Variants in NLGN1 observed in about 807,000 individuals in gnomAD.
NLGN1 encodes the protein neuroligin 1.
Under a neutral mutation model 65.5 loss-of-function variants are expected in NLGN1, and 12 were observed. The ratio of observed to expected loss-of-function variants is 0.18; its 90% CI spans 0.12 to 0.30. The LOEUF is 0.30. Among genes scored for constraint, NLGN1 ranks in the 10% least tolerant of loss-of-function variants. The pLI is 1.00. For missense variants in NLGN1, 750 were observed against 1,007.1 expected (o/e 0.74, Z 3.46); for synonymous variants, 350 against 359.5 (o/e 0.97, Z 0.30).
chr3:173,784,698 G>C (rs376033033), intron 3 of NLGN1, among the ~76,000 whole-genome samples: 7 of 152,208 alleles, frequency 4.6e-5, no homozygotes, highest in African/African-American at 1.7e-4. Context: ...AATATGATCA[G>C]AAAGGAACAC....
chr3:174,070,967 A>T (rs578166522), intron 4 of NLGN1, among the ~76,000 whole-genome samples: 1 of 152,256 alleles, frequency 6.6e-6, no homozygotes, highest in East Asian at 1.9e-4. Context: ...ATGTGGAAGG[A>T]TCACTTGAGC....
intron 3 of NLGN1, among the ~76,000 whole-genome samples, chr3:173,629,671 C>G (rs986972064): frequency 6.6e-6 from 1 of 152,010 alleles, no homozygotes; most frequent in Non-Finnish European, 1.5e-5. Context: ...AGTTGTATAT[C>G]AAGTTTCTAT....
intron 2 of NLGN1, among the ~76,000 whole-genome samples, chr3:173,492,712 A>G (rs1369194782): frequency 1.3e-5 from 2 of 151,862 alleles, no homozygotes; most frequent in Non-Finnish European, 2.9e-5. Flanking sequence ...TGCAAAAACA[A>G]TAGTTTACTG....
intron 3 of NLGN1, among the ~76,000 whole-genome samples, chr3:173,761,846 G>A (rs916397981): frequency 1.3e-5 from 2 of 152,052 alleles, no homozygotes; most frequent in African/African-American, 2.4e-5. Flanking sequence ...GGAAAAATCA[G>A]TGAATATCAA....
chr3:173,502,362 A>G (rs753904968), intron 2 of NLGN1, among the ~76,000 whole-genome samples: 13 of 152,056 alleles, frequency 8.5e-5, no homozygotes, highest in Non-Finnish European at 1.5e-4. Context: ...GAAATGTGAT[A>G]CCTTTATTTG....
At chr3:173,830,337 G>A (rs866707348) in intron 4 of NLGN1, among the ~76,000 whole-genome samples, 3 of 152,268 alleles carry the variant, frequency 2.0e-5, no homozygotes, top group Admixed American at 6.5e-5. Flanking sequence ...AGTTGAATCT[G>A]TATCATCAAA....
At chr3:173,596,019 T>C (rs913001426) in intron 2 of NLGN1, among the ~76,000 whole-genome samples, 2 of 152,212 alleles carry the variant, frequency 1.3e-5, no homozygotes, top group Non-Finnish European at 1.5e-5. Flanking sequence ...TACCTTCCAG[T>C]AGTATTGTTT....
intron 4 of NLGN1, among the ~76,000 whole-genome samples, chr3:173,825,001 C>T (rs1721054894): frequency 6.6e-6 from 1 of 152,106 alleles, no homozygotes; most frequent in Admixed American, 6.6e-5. Context: ...AAATGATATC[C>T]AACAATCTGG....
At chr3:173,509,054 A>G (rs1379338793) in intron 2 of NLGN1, among the ~76,000 whole-genome samples, 1 of 152,176 alleles carries the variant, frequency 6.6e-6, no homozygotes, top group Non-Finnish European at 1.5e-5. Context: ...TGGCACCTCT[A>G]GAATACATAC....
intron 4 of NLGN1, among the ~76,000 whole-genome samples, chr3:173,952,312 G>A (rs1422300841): frequency 6.6e-6 from 1 of 152,160 alleles, no homozygotes; most frequent in Non-Finnish European, 1.5e-5. Flanking sequence ...AAGAATGTGT[G>A]CCTGGAGCTG....
intron 4 of NLGN1, among the ~76,000 whole-genome samples, chr3:173,898,899 C>A (rs1045186004): frequency 3.3e-5 from 5 of 151,968 alleles, no homozygotes; most frequent in African/African-American, 1.2e-4. Flanking sequence ...AATTGTTTTG[C>A]GGACCATTCA....
intron 4 of NLGN1, among the ~76,000 whole-genome samples, chr3:174,073,232 T>A (rs1414718924): frequency 6.6e-6 from 1 of 152,110 alleles, no homozygotes; most frequent in African/African-American, 2.4e-5. Context: ...ATGCTAGGGA[T>A]ACAGAAGCCA....
At chr3:173,557,811 T>A (rs1741960058) in intron 2 of NLGN1, among the ~76,000 whole-genome samples, 1 of 152,094 alleles carries the variant, frequency 6.6e-6, no homozygotes, top group Non-Finnish European at 1.5e-5. Flanking sequence ...AACAAATTTT[T>A]AAAAAAGTAT....
rs140788908 is a variant in NLGN1 at position 174,164,211 on chromosome 3, G to A, written c.647-111104G>A. Among the ~76,000 whole-genome samples, 30 of 152,040 alleles carry A rather than the reference G, an allele frequency of 2.0e-4. No homozygotes were observed. The East Asian group carries it at 4.1e-3, about 21-fold the overall frequency. ...ATTATTGATGATGATAATTTTGTAC[G>A]TGTTTGTTGGCTACTTGTATGTCTT... is the stretch of plus-strand genomic sequence containing the variant. On this transcript the variant is annotated intron_variant, in intron 4 of 6. Transcript: ENST00000457714.
chr3:173,411,263 T>A (rs1198050892), intron 1 of NLGN1, among the ~76,000 whole-genome samples: 1 of 152,052 alleles, frequency 6.6e-6, no homozygotes, highest in East Asian at 1.9e-4. Flanking sequence ...CCTTACGGAG[T>A]CTAAATTTCA....
chr3:173,823,022 A>G (rs1368716992), intron 4 of NLGN1, among the ~76,000 whole-genome samples: 1 of 152,094 alleles, frequency 6.6e-6, no homozygotes, highest in Non-Finnish European at 1.5e-5. Flanking sequence ...AGACTGTTCT[A>G]TATGACTCAA....
chr3:173,788,134 G>C (rs1711625055), intron 3 of NLGN1, among the ~76,000 whole-genome samples: 1 of 131,700 alleles, frequency 7.6e-6, no homozygotes, highest in African/African-American at 2.9e-5. Context: ...GAAATAAAGA[G>C]TTCTGTGACA....
At chr3:173,805,169 T>C (rs1716376988) in intron 3 of NLGN1, among the ~76,000 whole-genome samples, 1 of 152,220 alleles carries the variant, frequency 6.6e-6, no homozygotes, top group Non-Finnish European at 1.5e-5. Flanking sequence ...TTAAGGTTTG[T>C]TATGTCCAAG....
At chr3:173,653,977 C>T (rs933311672) in intron 3 of NLGN1, among the ~76,000 whole-genome samples, 39 of 152,084 alleles carry the variant, frequency 2.6e-4, no homozygotes, top group African/African-American at 6.8e-4. Flanking sequence ...CACTACCAAC[C>T]GGATAGCCAC....
Sources: gnomAD v4.1 joint callset for allele counts (sites outside exome capture counted in the v4.1 genomes callset) on GRCh38, gnomAD v4.1.1 for gene constraint, MANE v1.5 for transcripts, NCBI Gene and HGNC (gene_info 2026-07-23, HGNC 2026-07-21) for gene names.